UBOX5: variants seen among roughly 807,000 people sequenced by gnomAD.
UBOX5 encodes RING finger protein 37.
UBOX5 carries 28 observed loss-of-function variants against 39.0 expected under a neutral mutation model. The ratio of observed to expected loss-of-function variants is 0.72; its 90% CI spans 0.53 to 0.98. The LOEUF (loss-of-function observed/expected upper bound fraction) is 0.98. Among genes scored for constraint, UBOX5 ranks in the 50% least tolerant of loss-of-function variants. The pLI is 0.00. For synonymous variants in UBOX5, 283 were observed against 275.5 expected, an observed-to-expected ratio of 1.03 and a Z score of -0.27; for missense variants, 585 against 674.4, an observed-to-expected ratio of 0.87 and a Z score of 1.47.
chr20:3,127,624 T>C (rs1277950983), intron 1 of UBOX5, among the ~76,000 whole-genome samples: 1 of 152,180 alleles, frequency 6.6e-6, no homozygotes, highest in African/African-American at 2.4e-5. Flanking sequence ...TCTGCATTTG[T>C]AGCAGTCTGC....
chr20:3,123,213 G>T, intron 2 of UBOX5, 99 bp downstream of exon 2: 1 of 1,275,108 alleles, frequency 7.8e-7, no homozygotes, highest in Non-Finnish European at 1.1e-6. Flanking sequence ...GAGCAAAAGT[G>T]CAGTAAGCCT....
intron 4 of UBOX5, among the ~76,000 whole-genome samples, chr20:3,114,484 G>A (rs1201688583): frequency 6.6e-6 from 1 of 152,124 alleles, no homozygotes; most frequent in Non-Finnish European, 1.5e-5. Flanking sequence ...ATACAATGGG[G>A]GTCAAGGTTC....
intron 1 of UBOX5, among the ~76,000 whole-genome samples, chr20:3,143,333 C>T (rs1216358190): frequency 6.6e-5 from 10 of 151,902 alleles, no homozygotes; most frequent in Admixed American, 6.6e-4. Flanking sequence ...AACTCCTGGC[C>T]TCAAGTGGTC....
chr20:3,157,559 T>C (rs1316091456), intron 1 of UBOX5, among the ~76,000 whole-genome samples: 1 of 152,228 alleles, frequency 6.6e-6, no homozygotes, highest in Non-Finnish European at 1.5e-5. Flanking sequence ...ATAGTATGAC[T>C]AAGCCCTGTA....
chr20:3,137,970 G>C (rs1029980822), intron 1 of UBOX5, among the ~76,000 whole-genome samples: 1 of 152,082 alleles, frequency 6.6e-6, no homozygotes, highest in African/African-American at 2.4e-5. Flanking sequence ...AACTATGCAG[G>C]AAAATGCAAA....
At chr20:3,127,102 A>C (rs1249408509) in intron 1 of UBOX5, among the ~76,000 whole-genome samples, 1 of 150,934 alleles carries the variant, frequency 6.6e-6, no homozygotes, top group Non-Finnish European at 1.5e-5. Context: ...GGCCAATTCC[A>C]ATGGCTTCTG....
intron 1 of UBOX5, among the ~76,000 whole-genome samples, chr20:3,139,581 G>A (rs2066499302): frequency 1.3e-5 from 2 of 151,128 alleles, no homozygotes; most frequent in South Asian, 2.1e-4. Flanking sequence ...TAGTAGAGAC[G>A]AGGTTTCACC....
chr20:3,147,801 G>A, intron 1 of UBOX5: 2 of 1,614,182 alleles, frequency 1.2e-6, no homozygotes, highest in Non-Finnish European at 1.7e-6. Flanking sequence ...CTTCGACAGT[G>A]TGCCACTCTA....
intron 4 of UBOX5, among the ~76,000 whole-genome samples, chr20:3,110,921 A>G (rs1373381252): frequency 6.6e-6 from 1 of 151,646 alleles, no homozygotes; most frequent in East Asian, 1.9e-4. Flanking sequence ...GTCAGCAGAG[A>G]CAAGGCTGAG....
Position 3,109,964 on chromosome 20 carries a change from T to G in UBOX5, c.*142A>C. 1 of 915,648 alleles carries G rather than the reference T, an allele frequency of 1.1e-6. No individual in the cohort carries two copies. Among genetic ancestry groups the G allele is most frequent in the East Asian group, 2.6e-5 (1 of 38,340 alleles). The allele number at this position is 915,648 out of a possible 1,614,324, so 56.7% of individuals were successfully genotyped here. A position where few individuals can be genotyped will look rare whatever the true frequency, so the allele number is the denominator to read the frequency against. On this transcript the variant is annotated 3_prime_UTR_variant, in exon 5 of 5. Transcript: ENST00000217173. ...AGCGCAGAAGCAATGTGCTATACCGTGAGGTGATGAAGAAGAGCCCCGGGA... is the reference window on the plus strand; with the variant it reads ...AGCGCAGAAGCAATGTGCTATACCGGGAGGTGATGAAGAAGAGCCCCGGGA...
intron 3 of UBOX5, among the ~76,000 whole-genome samples, chr20:3,120,633 G>T (rs576340358): frequency 2.2e-4 from 32 of 147,504 alleles, no homozygotes; most frequent in Admixed American, 1.6e-3. Flanking sequence ...GCGACACAGC[G>T]AGACTCCATC....
chr20:3,129,037 C>T lies in UBOX5; in HGVS notation c.-41-5631G>A, dbSNP rs150509880. Among the ~76,000 whole-genome samples, 10 of 152,274 alleles carry T rather than the reference C, an allele frequency of 6.6e-5. No homozygotes were observed. In the South Asian group the frequency reaches 1.2e-3, roughly 19 times the overall value. On this transcript the variant is annotated intron_variant, in intron 1 of 4. Transcript: ENST00000217173. ...ACTTCTTCCCACCTCTGTGTGGAAG[C>T]GAGTCAGCCTTCTGTTCAAGCATCT...
intron 1 of UBOX5, chr20:3,148,010 C>A (rs772486694): frequency 1.2e-6 from 2 of 1,614,170 alleles, no homozygotes; most frequent in Non-Finnish European, 8.5e-7. Flanking sequence ...CACTAAGGAG[C>A]GACTACTCAG....
In UBOX5 at chr20:3,122,477, T is replaced by C. The variant is rs754207917; in HGVS notation, c.162A>G (p.Thr54=). 25 of 1,614,084 alleles carry C rather than the reference T, an allele frequency of 1.5e-5. No individual in the cohort carries two copies. The highest frequency in any genetic ancestry group is 1.5e-4 in the South Asian group (14 of 91,082). Residue 54 remains threonine, a synonymous_variant, in exon 3 of 5, where the codon ACA becomes ACG. Transcript: ENST00000217173. ...TTTCCACATTAAAGGGAAATGAAACTGTCACATAGACTGGTGGCTTAATGA... is the reference window on the plus strand; with the variant it reads ...TTTCCACATTAAAGGGAAATGAAACCGTCACATAGACTGGTGGCTTAATGA... The part of the protein sequence containing the change: ...EYFIKPPVYV[T]VSFPFNVEIC...
At chr20:3,134,495 T>C (rs1181893787) in intron 1 of UBOX5, among the ~76,000 whole-genome samples, 1 of 148,134 alleles carries the variant, frequency 6.8e-6, no homozygotes, top group Non-Finnish European at 1.5e-5. Context: ...GAGGTGGAGG[T>C]TGCAGTGAGC....
intron 2 of UBOX5, among the ~76,000 whole-genome samples, chr20:3,122,929 A>C (rs2066350061): frequency 6.7e-6 from 1 of 148,350 alleles, no homozygotes. Context: ...TTTCCCTGCC[A>C]AAAAAAAAAG....
chr20:3,156,648 T>G (rs961017584), intron 1 of UBOX5: 2 of 152,426 alleles, frequency 1.3e-5, no homozygotes, highest in Admixed American at 1.3e-4. Flanking sequence ...CAAACCTCCC[T>G]GAATGATGTG....
intron 1 of UBOX5, among the ~76,000 whole-genome samples, chr20:3,143,483 AAAG>A (rs2066535341): frequency 6.6e-6 from 1 of 152,154 alleles, no homozygotes; most frequent in African/African-American, 2.4e-5. Context: ...ATAGCATAAA[AAAG>A]AATAAAATAA....
At chr20:3,154,737 TTGAGAA>T (rs1187389996) in intron 1 of UBOX5, among the ~76,000 whole-genome samples, 1 of 151,732 alleles carries the variant, frequency 6.6e-6, no homozygotes, top group African/African-American at 2.4e-5. Context: ...CCCTATTCAG[TTGAGAA>T]TAATACTAAC....
Sources: allele counts gnomAD v4.1 joint callset (sites outside exome capture counted in the v4.1 genomes callset), GRCh38; gene constraint gnomAD v4.1.1; transcripts MANE v1.5; gene names NCBI Gene and HGNC (gene_info 2026-07-23, HGNC 2026-07-21).